MAPRE3: variants seen among roughly 807,000 people sequenced by gnomAD.
The protein encoded by MAPRE3 is microtubule-associated protein RP/EB family member 3.
In MAPRE3, 2 loss-of-function variants were observed where a neutral mutation model predicts 30.5. The ratio of observed to expected loss-of-function variants is 0.07; its 90% CI spans 0.03 to 0.21. MAPRE3 has a LOEUF of 0.21. MAPRE3 is among the 10% of genes least tolerant of loss of function. The pLI is 1.00. For missense variants in MAPRE3, 204 were observed against 351.8 expected (o/e 0.58, Z 3.36); for synonymous variants, 110 against 127.7 (o/e 0.86, Z 0.93).
intron 1 of MAPRE3, among the ~76,000 whole-genome samples, chr2:26,988,646 G>A (rs563530019): frequency 2.0e-5 from 3 of 152,292 alleles, no homozygotes; most frequent in African/African-American, 4.8e-5. Flanking sequence ...TGGGGAAATC[G>A]TGTGTGTGTT....
At chr2:27,022,187 C>A (rs371502199) in intron 1 of MAPRE3, 25 bp from the exon 2 acceptor site, 1 of 1,610,990 alleles carries the variant, frequency 6.2e-7, no homozygotes, top group African/African-American at 1.3e-5. Context: ...CCAGTGCTGA[C>A]CTCACCTTTC....
chr2:26,980,302 C>A (rs1387238555), intron 1 of MAPRE3, among the ~76,000 whole-genome samples: 1 of 152,136 alleles, frequency 6.6e-6, no homozygotes, highest in African/African-American at 2.4e-5. Context: ...AATGGCTGGT[C>A]ACCAGAGAAT....
chr2:26,979,761 C>T (rs1407670679), intron 1 of MAPRE3, among the ~76,000 whole-genome samples: 1 of 152,100 alleles, frequency 6.6e-6, no homozygotes, highest in Non-Finnish European at 1.5e-5. Flanking sequence ...GGCAGCCTTA[C>T]CAGACTGAGG....
intron 3 of MAPRE3, chr2:27,023,784 A>G: frequency 2.0e-6 from 1 of 503,832 alleles, no homozygotes; most frequent in Non-Finnish European, 3.6e-6. Flanking sequence ...GGGCCCAAGA[A>G]AGTGTCTCTG....
At chr2:27,026,081 A>G in intron 6 of MAPRE3, 49 bp downstream of exon 6, 3 of 1,606,618 alleles carry the variant, frequency 1.9e-6, no homozygotes, top group Non-Finnish European at 2.6e-6. Context: ...GCCTGGCCCT[A>G]AGACCAGAAG....
intron 1 of MAPRE3, chr2:26,996,908 C>T (rs939727036): frequency 6.6e-6 from 1 of 152,166 alleles, no homozygotes; most frequent in African/African-American, 2.4e-5. Context: ...ACGGCTCTCA[C>T]TTTCCAGGGG....
chr2:27,025,634 G>C lies in MAPRE3; in HGVS notation c.521G>C (p.Arg174Pro). ...TGPKNMQTSGRLSNVAPPCIL... is the reference protein window; with the variant it reads ...TGPKNMQTSGPLSNVAPPCIL... ...CCAAAAAACATGCAGACCTCTGGCC[G>C]GCTGAGCAATGTGGCCCCCCCCTGC... The change falls in exon 5 of 7, where the codon CGG becomes CCG. Residue 174 changes from arginine to proline, a missense_variant. By Grantham distance (103) the Arg-to-Pro change is moderately radical. Around this residue, in one of 5 missense-constraint regions of MAPRE3, gnomAD observed 32 missense variants for 20.7 expected, o/e 1.55. Coordinates refer to ENST00000233121, the MANE Select transcript of MAPRE3 (RefSeq NM_012326.4). 1 of 1,606,388 alleles carries C rather than the reference G, an allele frequency of 6.2e-7. No homozygotes were observed. The highest frequency in any genetic ancestry group is 1.1e-5 in the South Asian group (1 of 89,462).
Position 27,004,557 on chromosome 2 carries a change from T to C in MAPRE3, c.-7-17655T>C, listed in dbSNP as rs904556953. ...ACGTCGAAATACATTTCATGATAGC[T>C]GGAGTATGGCAACAGCACTCCTGAG... On this transcript the variant is annotated intron_variant, in intron 1 of 6. Transcript: ENST00000233121. Among the ~76,000 whole-genome samples the C allele has an allele frequency of 2.0e-5, 3 of 152,042 alleles. No individual in the cohort carries two copies. The South Asian group carries it at 6.2e-4, about 32-fold the overall frequency.
chr2:27,000,424 T>C (rs1214573803), intron 1 of MAPRE3, among the ~76,000 whole-genome samples: 1 of 151,216 alleles, frequency 6.6e-6, no homozygotes, highest in Non-Finnish European at 1.5e-5. Flanking sequence ...TATGACCCGA[T>C]GAGGAGGGAG....
intron 1 of MAPRE3, among the ~76,000 whole-genome samples, chr2:26,999,281 C>T (rs1666533716): frequency 6.6e-6 from 1 of 151,924 alleles, no homozygotes; most frequent in African/African-American, 2.4e-5. Flanking sequence ...CAATGAGTAG[C>T]AGGAAAAGTT....
At chr2:26,995,593 C>G (rs1459702399) in intron 1 of MAPRE3, 1 of 151,942 alleles carries the variant, frequency 6.6e-6, no homozygotes, top group Non-Finnish European at 1.5e-5. Flanking sequence ...TGTATTATAA[C>G]CCTTTGAATA....
rs1328635003 is a variant in MAPRE3, at chr2:26,984,708, A to G, written c.-8+13906A>G. 3 of 152,366 alleles carry G rather than the reference A, an allele frequency of 2.0e-5. No individual in the cohort carries two copies. The East Asian group carries it at 5.8e-4, about 29-fold the overall frequency. 9.4% of individuals were successfully genotyped at this position (152,366 alleles called of 1,614,324 possible). ...TCCATACAGAAAGCTCGTTGCCACC[A>G]TTGCTTTTCACTGTGGTGAACATAT... On this transcript the variant is annotated intron_variant, in intron 1 of 6. Transcript: ENST00000233121.
In MAPRE3 at chr2:26,986,128, C is replaced by T. The variant is rs1666213740; in HGVS notation, c.-8+15326C>T. Reference sequence around the variant, plus strand: ...CTCCAGGAGAAAATCCGCGTCTTTGCCTCCTCCATCCTCTAAAGGCTGCCC... The same window carrying T: ...CTCCAGGAGAAAATCCGCGTCTTTGTCTCCTCCATCCTCTAAAGGCTGCCC... On this transcript the variant is annotated intron_variant, in intron 1 of 6. Coordinates refer to ENST00000233121, the MANE Select transcript of MAPRE3 (RefSeq NM_012326.4). This position sits in a 1 kb window ranked among gnomAD's most constrained non-coding sequence, Gnocchi z 4.2. 6.6e-6 allele frequency among the ~76,000 whole-genome samples: 1 copy of T among 152,166 alleles called. No homozygotes were observed. The highest frequency in any genetic ancestry group is 1.5e-5 in the Non-Finnish European group (1 of 68,024).
intron 1 of MAPRE3, among the ~76,000 whole-genome samples, chr2:26,983,205 A>C (rs1666150450): frequency 6.6e-6 from 1 of 152,184 alleles, no homozygotes; most frequent in Admixed American, 6.5e-5. Context: ...TAAAAATCAA[A>C]TGTGTAGTGG....
intron 1 of MAPRE3, among the ~76,000 whole-genome samples, chr2:27,003,926 C>T (rs1435674466): frequency 6.6e-6 from 1 of 152,168 alleles, no homozygotes; most frequent in Admixed American, 6.5e-5. Context: ...TGTGCGGATG[C>T]TCCACTTGAG....
chr2:26,995,780 G>GGGGTGTGT (rs1433584791), intron 1 of MAPRE3, among the ~76,000 whole-genome samples: 7 of 109,638 alleles, frequency 6.4e-5, no homozygotes, highest in African/African-American at 1.1e-4. Flanking sequence ...TTCTAAGAGA[G>GGGGTGTGT]GTGTGTGTGT....
At position 26,985,389 on chromosome 2, in the gene MAPRE3, G is replaced by A. The variant is rs1257487447; in HGVS notation, c.-8+14587G>A. Reference sequence around the variant, plus strand: ...CAAAGACTTAGCCAGAGAGCATTCTGGCAGCATAGATCTGAGTTGGTGAAG... The same window carrying A: ...CAAAGACTTAGCCAGAGAGCATTCTAGCAGCATAGATCTGAGTTGGTGAAG... On this transcript the variant is annotated intron_variant, in intron 1 of 6. Transcript: ENST00000233121. This position sits in a 1 kb window ranked among gnomAD's most constrained non-coding sequence, Gnocchi z 4.2. Among the ~76,000 whole-genome samples, 1 of 152,202 alleles carries A rather than the reference G, an allele frequency of 6.6e-6. No individual in the cohort carries two copies. The highest frequency in any genetic ancestry group is 6.5e-5 in the Admixed American group (1 of 15,284).
intron 1 of MAPRE3, among the ~76,000 whole-genome samples, chr2:26,997,769 A>G (rs1666496989): frequency 6.6e-6 from 1 of 152,252 alleles, no homozygotes. Context: ...TTAATCCTCA[A>G]GTGAATTATG....
At chr2:26,998,142 T>C (rs946077380) in intron 1 of MAPRE3, among the ~76,000 whole-genome samples, 2 of 152,232 alleles carry the variant, frequency 1.3e-5, no homozygotes, top group African/African-American at 4.8e-5. Context: ...GGTCACAGTT[T>C]TACAAACGCT....
Sources: gnomAD v4.1 joint callset for allele counts (sites outside exome capture counted in the v4.1 genomes callset) on GRCh38, gnomAD v4.1.1 for gene constraint, gnomAD v4.1.1 regional missense constraint, Gnocchi (gnomAD v3.1) non-coding constraint, MANE v1.5 for transcripts, NCBI Gene and HGNC (gene_info 2026-07-23, HGNC 2026-07-21) for gene names.